Variants in GABRG3 observed in about 807,000 individuals in gnomAD.
The protein encoded by GABRG3 is gamma-aminobutyric acid receptor subunit gamma-3.
Under a neutral mutation model 48.8 loss-of-function variants are expected in GABRG3, and 25 were observed. The ratio of observed to expected loss-of-function variants is 0.51; its 90% CI spans 0.37 to 0.72. GABRG3 has a LOEUF of 0.72. Ranked by LOEUF, GABRG3 falls within the 30% of genes least tolerant of loss-of-function variation. The pLI is 0.00. For synonymous variants in GABRG3, 227 were observed against 217.6 expected (o/e 1.04, Z -0.38); for missense variants, 394 against 577.9 (o/e 0.68, Z 3.26).
rs182722992 is a variant in GABRG3 at position 27,219,991 on chromosome 15, C to T, written c.271-106818C>T. 6.0e-4 allele frequency among the ~76,000 whole-genome samples: 92 copies of T among 152,228 alleles called. 1 individual carries two copies. In the East Asian group the frequency reaches 0.016, roughly 26 times the overall value. Reference sequence around the variant, plus strand: ...TCTTGTCACCAAACTGAACTTGGGTCGGCTCACCCAGCATGCAGACAAGAC... The same window carrying T: ...TCTTGTCACCAAACTGAACTTGGGTTGGCTCACCCAGCATGCAGACAAGAC... On this transcript the variant is annotated intron_variant, in intron 3 of 9. Coordinates refer to ENST00000615808, the MANE Select transcript of GABRG3 (RefSeq NM_033223.5).
rs961103197 is a variant in GABRG3 at position 27,540,027 on chromosome 15, A to C, written c.*7146A>C. Reference sequence around the variant, plus strand: ...AGTACTCAGCTATTGATTCAACACAAAGGCTTAGAGCCTTTTCTGAACTAT... The same window carrying C: ...AGTACTCAGCTATTGATTCAACACACAGGCTTAGAGCCTTTTCTGAACTAT... On this transcript the variant is annotated 3_prime_UTR_variant, in exon 10 of 10. Coordinates refer to ENST00000615808, the MANE Select transcript of GABRG3 (RefSeq NM_033223.5). The C allele has an allele frequency of 6.6e-6, 1 of 152,202 alleles. No individual in the cohort carries two copies. The highest frequency in any genetic ancestry group is 1.5e-5 in the Non-Finnish European group (1 of 68,040). The allele number at this position is 152,202 out of a possible 1,614,324, so 9.4% of individuals were successfully genotyped here.
intron 3 of GABRG3, among the ~76,000 whole-genome samples, chr15:27,178,493 G>A (rs948231092): frequency 2.7e-4 from 41 of 152,184 alleles, no homozygotes; most frequent in African/African-American, 8.9e-4. Context: ...GGCCAAGGAA[G>A]AGCTTTCTCT....
chr15:27,209,343 TTTCTTTCC>T (rs1203293365), intron 3 of GABRG3, among the ~76,000 whole-genome samples: 13 of 145,298 alleles, frequency 8.9e-5, no homozygotes, highest in South Asian at 2.1e-4. Context: ...TCTTTCTTTC[TTTCTTTCC>T]TTCCTTCCTT....
In GABRG3 at chr15:26,971,516, G is replaced by A. The variant is rs531863650; in HGVS notation, c.-20G>A. 90 of 1,510,668 alleles carry A rather than the reference G, an allele frequency of 6.0e-5. No homozygotes were observed. Among genetic ancestry groups the A allele is most frequent in the Middle Eastern group, 2.1e-4 (1 of 4,816 alleles). The allele number at this position is 1,510,668 out of a possible 1,614,324, so 93.6% of individuals were successfully genotyped here. On this transcript the variant is annotated 5_prime_UTR_variant, in exon 1 of 10. Transcript: ENST00000615808. ...GCCCGGCCGAGGCCCCGGACCCTGCGCCCCGAGCTCCACGGCACCATGGCC... is the reference window on the plus strand; with the variant it reads ...GCCCGGCCGAGGCCCCGGACCCTGCACCCCGAGCTCCACGGCACCATGGCC...
At chr15:27,486,790 C>G (rs1191070080) in intron 6 of GABRG3, among the ~76,000 whole-genome samples, 3 of 152,022 alleles carry the variant, frequency 2.0e-5, no homozygotes, top group Admixed American at 2.0e-4. Flanking sequence ...CAAATATTGC[C>G]TATTATTATT....
In GABRG3 at chr15:27,447,396, T is replaced by C. The variant is rs12595665; in HGVS notation, c.575-33254T>C. Among the ~76,000 whole-genome samples, 10,121 of 151,846 alleles carry C rather than the reference T, an allele frequency of 0.067. 768 individuals carry two copies. Among genetic ancestry groups the C allele is most frequent in the East Asian group, 0.29 (1,478 of 5,140 alleles). On this transcript the variant is annotated intron_variant, in intron 5 of 9. Transcript: ENST00000615808. This position sits in a 1 kb window ranked among gnomAD's most constrained non-coding sequence, Gnocchi z 4.0. The stretch of plus-strand genomic sequence containing the variant: ...CATTTATGCTATGGGAAATGGGGAG[T>C]CACTGAGGATTTTAGTCAGAAAAAT...
chr15:27,104,334 C>T (rs1595527457), intron 3 of GABRG3, among the ~76,000 whole-genome samples: 1 of 152,336 alleles, frequency 6.6e-6, no homozygotes, highest in East Asian at 1.9e-4. Context: ...CTGTTGCCTT[C>T]CAGAGGCGTG....
chr15:27,393,512 CTATAAA>C (rs1887211242), intron 5 of GABRG3, among the ~76,000 whole-genome samples: 1 of 152,076 alleles, frequency 6.6e-6, no homozygotes, highest in African/African-American at 2.4e-5. Flanking sequence ...ATAAACATAT[CTATAAA>C]TATTTCTCTG....
At chr15:27,054,547 G>A (rs1437868046) in intron 3 of GABRG3, among the ~76,000 whole-genome samples, 5 of 152,218 alleles carry the variant, frequency 3.3e-5, no homozygotes, top group African/African-American at 1.2e-4. Flanking sequence ...TCCCAAGGCT[G>A]TAAGACTTGA....
chr15:27,455,844 G>A (rs1889259960), intron 5 of GABRG3, among the ~76,000 whole-genome samples: 1 of 152,176 alleles, frequency 6.6e-6, no homozygotes, highest in South Asian at 2.1e-4. Flanking sequence ...TGTGATGTGT[G>A]TGTGTTGTGT....
chr15:27,203,789 A>G (rs1371250506), intron 3 of GABRG3, among the ~76,000 whole-genome samples: 3 of 152,142 alleles, frequency 2.0e-5, no homozygotes, highest in Non-Finnish European at 4.4e-5. Flanking sequence ...CCTAAAGAGT[A>G]GTGATATTGA....
rs151195219 is a variant in GABRG3, at chr15:27,243,733, A to G, written c.271-83076A>G. On this transcript the variant is annotated intron_variant, in intron 3 of 9. Coordinates refer to ENST00000615808, the MANE Select transcript of GABRG3 (RefSeq NM_033223.5). ...TTTGCATATTCATTTTGTTAATACCAATTCAACATCAGTTAATACTAATAA... is the reference window on the plus strand; with the variant it reads ...TTTGCATATTCATTTTGTTAATACCGATTCAACATCAGTTAATACTAATAA... 7.2e-3 allele frequency among the ~76,000 whole-genome samples: 1,097 copies of G among 152,306 alleles called. 6 individuals carry two copies. The highest frequency in any genetic ancestry group is 0.017 in the Middle Eastern group (5 of 294).
intron 5 of GABRG3, among the ~76,000 whole-genome samples, chr15:27,386,897 G>A (rs1264207425): frequency 6.6e-6 from 1 of 152,136 alleles, no homozygotes; most frequent in Non-Finnish European, 1.5e-5. Flanking sequence ...TCAGAAAAAT[G>A]GAATCACACA....
At chr15:27,193,700 G>A (rs1042338912) in intron 3 of GABRG3, among the ~76,000 whole-genome samples, 8 of 152,140 alleles carry the variant, frequency 5.3e-5, no homozygotes, top group African/African-American at 1.4e-4. Context: ...TCCCTGCTTC[G>A]GCTTGTGCAC....
intron 3 of GABRG3, among the ~76,000 whole-genome samples, chr15:27,273,998 G>C (rs988062920): frequency 6.6e-6 from 1 of 152,180 alleles, no homozygotes; most frequent in Non-Finnish European, 1.5e-5. Flanking sequence ...CTCCTCCCAA[G>C]CTTGCGCATG....
chr15:27,456,604 C>T (rs767519393), intron 5 of GABRG3, among the ~76,000 whole-genome samples: 21 of 152,298 alleles, frequency 1.4e-4, no homozygotes, highest in Middle Eastern at 3.4e-3. Context: ...TCCCCTCCCA[C>T]GGACAAAGGA....
chr15:27,092,983 C>T (rs1343310196), intron 3 of GABRG3, among the ~76,000 whole-genome samples: 1 of 151,940 alleles, frequency 6.6e-6, no homozygotes, highest in Admixed American at 6.6e-5. Context: ...GAGAAGGGGC[C>T]TCCTTCTGTA....
chr15:27,133,440 C>A (rs554676826), intron 3 of GABRG3, among the ~76,000 whole-genome samples: 1 of 152,194 alleles, frequency 6.6e-6, no homozygotes, highest in Non-Finnish European at 1.5e-5. Context: ...CACAGAGTGA[C>A]TTCCTGTAGC....
At chr15:27,146,270 C>T (rs938959900) in intron 3 of GABRG3, among the ~76,000 whole-genome samples, 5 of 152,064 alleles carry the variant, frequency 3.3e-5, no homozygotes, top group African/African-American at 4.8e-5. Context: ...CTGGCTAACA[C>T]GTTGAAACCC....
Sources: allele counts gnomAD v4.1 joint callset (sites outside exome capture counted in the v4.1 genomes callset), GRCh38; gene constraint gnomAD v4.1.1; non-coding constraint Gnocchi (gnomAD v3.1); transcripts MANE v1.5; gene names NCBI Gene and HGNC (gene_info 2026-07-23, HGNC 2026-07-21).